The following MPP7 variants were observed in gnomAD, a reference collection of about 807,000 sequenced individuals.
MPP7 encodes MAGUK p55 subfamily member 7.
Under a neutral mutation model 76.5 loss-of-function variants are expected in MPP7, and 60 were observed. That is an observed-to-expected ratio of 0.78 (90% CI 0.64 to 0.97). The LOEUF (loss-of-function observed/expected upper bound fraction) is 0.97, where lower values mean the gene tolerates loss of function less well. MPP7 is among the 50% of genes least tolerant of loss of function. The probability of loss-of-function intolerance (pLI) is 0.00; values close to 1 mark genes in which losing one functional copy is unlikely to be tolerated. For synonymous variants in MPP7, 237 were observed against 244.5 expected (o/e 0.97, Z 0.29); for missense variants, 641 against 694.0 (o/e 0.92, Z 0.86).
At chr10:28,092,527 T>C (rs1853356187) in intron 11 of MPP7, among the ~76,000 whole-genome samples, 1 of 151,904 alleles carries the variant, frequency 6.6e-6, no homozygotes, top group South Asian at 2.1e-4. Context: ...TTTTTGTTCA[T>C]CTTGTTTTCT....
intron 12 of MPP7, among the ~76,000 whole-genome samples, chr10:28,079,232 T>C (rs1479756390): frequency 1.3e-5 from 2 of 152,212 alleles, no homozygotes; most frequent in Non-Finnish European, 2.9e-5. Flanking sequence ...TTGATTAGAA[T>C]GCTAGCACAG....
intron 12 of MPP7, among the ~76,000 whole-genome samples, chr10:28,071,412 C>T (rs1852234504): frequency 6.6e-6 from 1 of 152,066 alleles, no homozygotes; most frequent in Non-Finnish European, 1.5e-5. Flanking sequence ...AACACCTGTC[C>T]CGAGGTGGTC....
intron 5 of MPP7, among the ~76,000 whole-genome samples, chr10:28,138,886 C>T (rs1285634230): frequency 2.6e-5 from 4 of 152,198 alleles, no homozygotes; most frequent in South Asian, 4.1e-4. Flanking sequence ...CATTGAATTC[C>T]GTTTACTGGG....
chr10:28,297,723 G>A (rs1478472632), intron 1 of MPP7, among the ~76,000 whole-genome samples: 1 of 152,150 alleles, frequency 6.6e-6, no homozygotes, highest in Non-Finnish European at 1.5e-5. Context: ...AATGAAGTTT[G>A]CCACATCAAC....
At chr10:28,167,676 G>GTA (rs34608718) in intron 3 of MPP7, among the ~76,000 whole-genome samples, 9 of 151,984 alleles carry the variant, frequency 5.9e-5, no homozygotes, top group Non-Finnish European at 1.0e-4. Flanking sequence ...AAGTTTGCTG[G>GTA]TATATATATA....
chr10:28,226,340 G>C (rs574808488), intron 2 of MPP7, among the ~76,000 whole-genome samples: 2 of 151,870 alleles, frequency 1.3e-5, no homozygotes, highest in African/African-American at 4.8e-5. Flanking sequence ...TCCACCTCCC[G>C]GGTTCAAGCT....
chr10:28,178,294 G>T (rs1162946601), intron 3 of MPP7, among the ~76,000 whole-genome samples: 1 of 151,958 alleles, frequency 6.6e-6, no homozygotes, highest in Non-Finnish European at 1.5e-5. Context: ...GAAAACCACT[G>T]TTCTACAGAG....
chr10:28,102,028 G>A lies in MPP7; in HGVS notation c.953-12187C>T, dbSNP rs141410628. Among the ~76,000 whole-genome samples, 406 of 152,202 alleles carry A rather than the reference G, an allele frequency of 2.7e-3. 3 individuals carry two copies. The highest frequency in any genetic ancestry group is 4.4e-3 in the Non-Finnish European group (296 of 68,006). On this transcript the variant is annotated intron_variant, in intron 11 of 16. Transcript: ENST00000683449. ...ATATATAAACATATATGATTTGACA[G>A]TCTTTATATACAGGCAGCCCTTGAC...
At chr10:28,133,185 A>G (rs1270979368) in intron 5 of MPP7, among the ~76,000 whole-genome samples, 1 of 152,218 alleles carries the variant, frequency 6.6e-6, no homozygotes, top group Non-Finnish European at 1.5e-5. Context: ...ATGGTTCAGC[A>G]GCATTCAACT....
chr10:28,100,304 A>G (rs1853766115), intron 11 of MPP7, among the ~76,000 whole-genome samples: 1 of 152,122 alleles, frequency 6.6e-6, no homozygotes, highest in Non-Finnish European at 1.5e-5. Context: ...TTAATAGAAA[A>G]TTATTATCTA....
At chr10:28,107,822 G>C (rs1000537858) in intron 11 of MPP7, among the ~76,000 whole-genome samples, 2 of 152,132 alleles carry the variant, frequency 1.3e-5, no homozygotes, top group African/African-American at 4.8e-5. Flanking sequence ...GCTGACCACA[G>C]TATCATGAGA....
At chr10:28,125,114 C>G (rs566948160) in intron 6 of MPP7, 23 bp from the exon 7 acceptor site, 3 of 1,595,580 alleles carry the variant, frequency 1.9e-6, no homozygotes, top group Non-Finnish European at 2.6e-6. Context: ...AAACAAAAAG[C>G]ATTTGTGGGT....
In MPP7 at chr10:28,056,463, A is replaced by C. The variant is rs1039228750; in HGVS notation, c.1551+17T>G. On this transcript the variant is annotated intron_variant, in intron 16 of 16. Coordinates refer to ENST00000683449, the MANE Select transcript of MPP7 (RefSeq NM_001318170.2). ...TGTGGGCCACCACACCTGGCCCCCA[A>C]GCATCATTATACTTACTGTGAAGGG... The C allele has an allele frequency of 6.2e-7, 1 of 1,604,618 alleles. No individual in the cohort carries two copies. Among genetic ancestry groups the C allele is most frequent in the African/African-American group, 1.3e-5 (1 of 74,224 alleles).
intron 2 of MPP7, among the ~76,000 whole-genome samples, chr10:28,234,368 T>A (rs149086280): frequency 3.3e-5 from 5 of 152,046 alleles, no homozygotes; most frequent in African/African-American, 7.2e-5. Context: ...AATTAATAAA[T>A]GGGAGAGAAA....
At chr10:28,321,306 T>A (rs2133183897) in intron 2 of MPP7, among the ~76,000 whole-genome samples, 1 of 152,204 alleles carries the variant, frequency 6.6e-6, no homozygotes, top group East Asian at 1.9e-4. Flanking sequence ...GCTCCAAACA[T>A]CTAAATTGTT....
intron 1 of MPP7, among the ~76,000 whole-genome samples, chr10:28,299,764 G>T (rs1268214471): frequency 7.5e-6 from 1 of 133,416 alleles, no homozygotes; most frequent in Non-Finnish European, 1.6e-5. Flanking sequence ...CAAAATTCAA[G>T]ACTTTTTTTT....
At chr10:28,240,800 T>A (rs1839242959) in intron 1 of MPP7, among the ~76,000 whole-genome samples, 1 of 152,120 alleles carries the variant, frequency 6.6e-6, no homozygotes, top group African/African-American at 2.4e-5. Context: ...AAAAAAAGAC[T>A]GTATAATTTA....
intron 5 of MPP7, among the ~76,000 whole-genome samples, chr10:28,143,581 C>CGTGTGCTCTGTGTG (rs765475349): frequency 1.3e-5 from 2 of 151,678 alleles, no homozygotes; most frequent in African/African-American, 2.4e-5. Flanking sequence ...GTATTCCTAT[C>CGTGTGCTCTGTGTG]TTTGTGGATC....
chr10:28,120,527 T>C (rs1834802020), intron 9 of MPP7, 67 bp downstream of exon 9: 4 of 1,520,212 alleles, frequency 2.6e-6, no homozygotes, highest in Non-Finnish European at 2.7e-6. Flanking sequence ...ACAAAGTGGA[T>C]ATGTGTTGGA....
Sources: gnomAD v4.1 joint callset for allele counts (sites outside exome capture counted in the v4.1 genomes callset) on GRCh38, gnomAD v4.1.1 for gene constraint, MANE v1.5 for transcripts, NCBI Gene and HGNC (gene_info 2026-07-23, HGNC 2026-07-21) for gene names.